ELN: variants seen among roughly 807,000 people sequenced by gnomAD.
ELN encodes the protein elastin.
Under a neutral mutation model 105.8 loss-of-function variants are expected in ELN, and 65 were observed. The ratio of observed to expected loss-of-function variants is 0.61; its 90% CI spans 0.50 to 0.75. ELN has a LOEUF of 0.75. ELN is among the 30% of genes least tolerant of loss of function. The pLI, the probability that ELN is intolerant of heterozygous loss-of-function variation, is 0.00. For synonymous variants in ELN, 368 were observed against 389.2 expected (o/e 0.95, Z 0.64); for missense variants, 882 against 969.4 (o/e 0.91, Z 1.20).
intron 32 of ELN, among the ~76,000 whole-genome samples, chr7:74,067,676 T>G (rs1482295375): frequency 6.7e-6 from 1 of 149,744 alleles, no homozygotes; most frequent in African/African-American, 2.5e-5. Flanking sequence ...AGGCGGAGCA[T>G]GGTGTGAACC....
chr7:74,063,336 G>A lies in ELN; in HGVS notation c.1885G>A (p.Ala629Thr), dbSNP rs375527929. Residue 629 changes from alanine (A) to threonine (T), a missense_variant, in exon 28 of 33, where the codon GCA (alanine) becomes ACA (threonine). By Grantham distance (58) the Ala-to-Thr change is moderately conservative (BLOSUM62 0). Coordinates refer to ENST00000252034, the MANE Select transcript of ELN (RefSeq NM_000501.4). This position sits in a 1 kb window ranked among gnomAD's most constrained non-coding sequence, Gnocchi z 4.1. ...VGAGPAAAAA[A>T]AKAAAKAAQF... ...AGCCGGACCCGCCGCCGCCGCTGCC[G>A]CAGCCAAAGCTGCTGCCAAAGCCGC... The A allele has an allele frequency of 1.7e-5, 26 of 1,550,532 alleles. No individual in the cohort carries two copies. Among genetic ancestry groups the A allele is most frequent in the African/African-American group, 1.1e-4 (8 of 73,390 alleles).
intron 25 of ELN, among the ~76,000 whole-genome samples, 169 bp from the exon 26 acceptor site, chr7:74,060,932 G>A (rs1173375956): frequency 4.6e-5 from 7 of 152,326 alleles, no homozygotes; most frequent in African/African-American, 1.7e-4. Context: ...GGGGCAGACG[G>A]AAGGTGGAGG....
At position 74,042,981 on chromosome 7, in the gene ELN, C is replaced by G; in HGVS notation, c.326-3C>G. Reference sequence around the variant, plus strand: ...CAATGCCTCACCTGTCCTGGCTCTGCAGGCGCTGGGCTTGGTGGTGTCCCA... The same window carrying G: ...CAATGCCTCACCTGTCCTGGCTCTGGAGGCGCTGGGCTTGGTGGTGTCCCA... On this transcript the variant is annotated splice_region_variant and splice_polypyrimidine_tract_variant and intron_variant, in intron 6 of 32. Coordinates refer to ENST00000252034, the MANE Select transcript of ELN (RefSeq NM_000501.4). The G allele has an allele frequency of 4.3e-6, 7 of 1,614,144 alleles. No individual in the cohort carries two copies. Among genetic ancestry groups the G allele is most frequent in the Non-Finnish European group, 5.1e-6 (6 of 1,180,022 alleles).
At chr7:74,043,505 C>A in intron 8 of ELN, 1 of 681,336 alleles carries the variant, frequency 1.5e-6, no homozygotes, top group Non-Finnish European at 2.7e-6. Context: ...AGCCCCGTGT[C>A]CTCTGACTCC....
chr7:74,046,772 G>T lies in ELN; in HGVS notation c.643+5G>T. ...TCAAGGCCCCCAAGCTGCCTGGTAA[G>T]TCAGAGGGACGGTTCAAGATGCACC... On this transcript the variant is annotated splice_donor_5th_base_variant and intron_variant, in intron 12 of 32. Transcript: ENST00000252034. 6.2e-7 allele frequency: 1 copy of T among 1,614,072 alleles called. No homozygotes were observed. The highest frequency in any genetic ancestry group is 8.5e-7 in the Non-Finnish European group (1 of 1,179,988).
intron 2 of ELN, chr7:74,035,726 AT>A: frequency 2.3e-6 from 1 of 434,620 alleles, no homozygotes. Flanking sequence ...ACACACACAA[AT>A]TTAAAATTAG....
At chr7:74,031,070 T>C (rs539150714) in intron 1 of ELN, among the ~76,000 whole-genome samples, 21 of 152,352 alleles carry the variant, frequency 1.4e-4, no homozygotes, top group Non-Finnish European at 1.5e-5. Flanking sequence ...GGACTTTGGT[T>C]TGGCAAAGCC....
chr7:74,036,529 CTCTT>C (rs782164533), intron 2 of ELN, 22 bp from the exon 3 acceptor site: 5 of 1,613,564 alleles, frequency 3.1e-6, no homozygotes, highest in African/African-American at 1.3e-5. Context: ...CCGATGATCT[CTCTT>C]TCTCTTTCTC....
In ELN at chr7:74,048,195, G is replaced by A. The variant is rs1793024331; in HGVS notation, c.739G>A (p.Gly247Arg). 1 of 1,614,038 alleles carries A rather than the reference G, an allele frequency of 6.2e-7. No individual in the cohort carries two copies. Among genetic ancestry groups the A allele is most frequent in the Non-Finnish European group, 8.5e-7 (1 of 1,179,944 alleles). Residue 247 changes from glycine to arginine, a missense_variant, in exon 14 of 33, where the codon GGG (glycine) becomes AGG (arginine). Gly to Arg is a moderately radical substitution (Grantham distance 125, BLOSUM62 -2). Transcript: ENST00000252034. ...AGCGGGCAAGGCTGGTTACCCAACA[G>A]GGACAGGTAAGGAAAGCCTCACGTC... is the stretch of plus-strand genomic sequence containing the variant. Reference protein sequence around the residue: ...GAAGKAGYPTGTGVGPQAAAA... With the variant: ...GAAGKAGYPTRTGVGPQAAAA...
rs200041224 is a variant in ELN, at chr7:74,063,648, G to A, written c.1946G>A (p.Gly649Glu). The A allele has an allele frequency of 2.0e-5, 32 of 1,614,208 alleles. No individual in the cohort carries two copies. The highest frequency in any genetic ancestry group is 2.7e-5 in the African/African-American group (2 of 75,064). The change falls in exon 29 of 33, where the codon GGA (glycine) becomes GAA (glutamate). Residue 649 changes from glycine (G) to glutamate (E), a missense_variant. Coordinates refer to ENST00000252034, the MANE Select transcript of ELN (RefSeq NM_000501.4). This position sits in a 1 kb window ranked among gnomAD's most constrained non-coding sequence, Gnocchi z 4.1. ...CTAGTGGGAGCCGCTGGGCTCGGAG[G>A]ACTCGGAGTCGGAGGGCTTGGAGTT... ...FGLVGAAGLG[G>E]LGVGGLGVPG...
intron 21 of ELN, among the ~76,000 whole-genome samples, chr7:74,056,986 C>T (rs1307674150): frequency 4.6e-5 from 7 of 151,996 alleles, no homozygotes; most frequent in African/African-American, 1.7e-4. Context: ...GCCTGTAATC[C>T]CAGCACTTTG....
In ELN at chr7:74,068,871, C is replaced by T. The variant is rs781941957; in HGVS notation, c.*171C>T. On this transcript the variant is annotated 3_prime_UTR_variant, in exon 33 of 33. Coordinates refer to ENST00000252034, the MANE Select transcript of ELN (RefSeq NM_000501.4). ...ACAGGGCAAGGAAACAAGAGGGGAG[C>T]GGCCAAGTGCCCCGACCAGGAGGCC... The T allele has an allele frequency of 6.5e-4, 507 of 776,546 alleles. 1 individual carries two copies. The highest frequency in any genetic ancestry group is 9.7e-4 in the Non-Finnish European group (446 of 460,950). 48.1% of individuals were successfully genotyped at this position (776,546 alleles called of 1,614,324 possible).
At chr7:74,060,332 C>T (rs1394199007) in intron 24 of ELN, 44 bp from the exon 25 acceptor site, 5 of 1,613,966 alleles carry the variant, frequency 3.1e-6, no homozygotes, top group East Asian at 4.5e-5. Flanking sequence ...TCCTTAGGGG[C>T]ATGCTCCCTG....
intron 26 of ELN, among the ~76,000 whole-genome samples, chr7:74,062,543 GTTGTTTGTTTGT>G (rs541803683): frequency 6.6e-6 from 1 of 151,900 alleles, no homozygotes; most frequent in Non-Finnish European, 1.5e-5. Context: ...TACTATTACC[GTTGTTTGTTTGT>G]TTGTTTGTTT....
intron 31 of ELN, among the ~76,000 whole-genome samples, chr7:74,066,499 G>C (rs1233671337): frequency 6.6e-6 from 1 of 152,080 alleles, no homozygotes; most frequent in Non-Finnish European, 1.5e-5. Flanking sequence ...CCTGGGAAGC[G>C]GAGGTTGCAG....
At chr7:74,052,069 G>C in intron 17 of ELN, 86 bp downstream of exon 17, 1 of 1,520,028 alleles carries the variant, frequency 6.6e-7, no homozygotes, top group Non-Finnish European at 9.1e-7. Flanking sequence ...GATGGACTTG[G>C]CCTTTGTTCC....
chr7:74,060,644 G>T, intron 25 of ELN, 143 bp downstream of exon 25: 1 of 1,551,874 alleles, frequency 6.4e-7, no homozygotes, highest in Non-Finnish European at 8.7e-7. Context: ...GCATCTGGGG[G>T]TAACAGATAG....
rs553532974 is a variant in ELN at position 74,059,924 on chromosome 7, G to T, written c.1453G>T (p.Val485Leu). ...PGVGVAPGVG[V>L]APGVGVAPGV... Reference sequence around the variant, plus strand: ...TGTCGGCGTGGCTCCTGGAGTTGGCGTGGCTCCTGGTGTCGGTGTGGCTCC... The same window carrying T: ...TGTCGGCGTGGCTCCTGGAGTTGGCTTGGCTCCTGGTGTCGGTGTGGCTCC... The change falls in exon 23 of 33, where the codon GTG becomes TTG. Residue 485 changes from valine (V) to leucine (L), a missense_variant. Physicochemically the swap from Val to Leu is conservative, Grantham distance 32. Transcript: ENST00000252034. 1.9e-6 allele frequency: 3 copies of T among 1,574,284 alleles called. No individual in the cohort carries two copies. The highest frequency in any genetic ancestry group is 2.7e-5 in the African/African-American group (2 of 73,968).
intron 12 of ELN, 35 bp downstream of exon 12, chr7:74,046,802 G>A (rs782021875): frequency 3.2e-5 from 51 of 1,610,466 alleles, no homozygotes; most frequent in Admixed American, 8.3e-5. Flanking sequence ...TGCACCACTC[G>A]GCCGGGTGTG....
Sources: gnomAD v4.1 joint callset for allele counts (sites outside exome capture counted in the v4.1 genomes callset) on GRCh38, gnomAD v4.1.1 for gene constraint, Gnocchi (gnomAD v3.1) non-coding constraint, MANE v1.5 for transcripts, NCBI Gene and HGNC (gene_info 2026-07-23, HGNC 2026-07-21) for gene names.